The following LYL1 variants were observed in gnomAD, a reference collection of about 807,000 sequenced individuals.
LYL1 encodes protein lyl-1.
LYL1 carries 4 observed loss-of-function variants against 11.1 expected under a neutral mutation model. That is an observed-to-expected ratio of 0.36 (90% CI 0.18 to 0.82). The LOEUF (loss-of-function observed/expected upper bound fraction) is 0.82. Among genes scored for constraint, LYL1 ranks in the 40% least tolerant of loss-of-function variants. LYL1 has a pLI of 0.49. For missense variants in LYL1, 356 were observed against 397.6 expected, an observed-to-expected ratio of 0.90 and a Z score of 0.89; for synonymous variants, 179 against 174.8, an observed-to-expected ratio of 1.02 and a Z score of -0.19.
intron 3 of LYL1, among the ~76,000 whole-genome samples, chr19:13,100,269 T>G (rs1294477730): frequency 2.6e-5 from 4 of 152,346 alleles, no homozygotes; most frequent in East Asian, 1.9e-4. Flanking sequence ...GCTGTGGTCC[T>G]GTGGCTGTCT....
chr19:13,102,152 A>AAT lies in LYL1; in HGVS notation c.-25+378_-25+379insAT. On this transcript the variant is annotated intron_variant, in intron 1 of 3. Coordinates refer to ENST00000264824, the MANE Select transcript of LYL1 (RefSeq NM_005583.5). This position sits in a 1 kb window ranked among gnomAD's most constrained non-coding sequence, Gnocchi z 4.9. The stretch of plus-strand genomic sequence containing the variant: ...ATGCCCGGCTAATTTAAAAAAAAAA[A>AAT]TTTTTTTTGTAGAGGCAGGTTCTCA... The AAT allele has an allele frequency of 5.0e-6, 1 of 200,246 alleles. No homozygotes were observed. The highest frequency in any genetic ancestry group is 1.0e-5 in the Non-Finnish European group (1 of 97,346). The allele number at this position is 200,246 out of a possible 1,614,324, so 12.4% of individuals were successfully genotyped here.
rs189103076 is a variant in LYL1, at chr19:13,099,078, G to A, written c.*241C>T. ...GTTGCTTTGCCGACCTCGCCCCTGG[G>A]AAGGGGACCGGGCAAGGCCACTTCC... On this transcript the variant is annotated 3_prime_UTR_variant, in exon 4 of 4. Coordinates refer to ENST00000264824, the MANE Select transcript of LYL1 (RefSeq NM_005583.5). The surrounding 1 kb of genome is among the most constrained non-coding windows in gnomAD (Gnocchi z 5.3). 24 of 373,284 alleles carry A rather than the reference G, an allele frequency of 6.4e-5. No individual in the cohort carries two copies. The highest frequency in any genetic ancestry group is 5.0e-4 in the African/African-American group (24 of 48,116). 23.1% of individuals were successfully genotyped at this position (373,284 alleles called of 1,614,324 possible).
intron 3 of LYL1, 136 bp downstream of exon 3, chr19:13,100,521 T>G: frequency 1.2e-6 from 1 of 843,974 alleles, no homozygotes. Context: ...GTTCTCTGTG[T>G]GTGCTGGAAG....
At position 13,100,671 on chromosome 19, in the gene LYL1, A is replaced by G. The variant is rs769011957; in HGVS notation, c.413T>C (p.Leu138Pro). The change falls in exon 3 of 4, where the codon CTG becomes CCG. Residue 138 changes from leucine (L) to proline (P), a missense_variant. Physicochemically the swap from Leu to Pro is moderately conservative, Grantham distance 98. Transcript: ENST00000264824. The stretch of plus-strand genomic sequence containing the variant: ...CCCACACTCACCCTCAGCCAGGTCC[A>G]GCTCACAGTGGCTTGGTCTCCGCTT... The part of the protein sequence containing the change: ...RLKRRPSHCE[L>P]DLAEGHQPQK... 2 of 1,614,226 alleles carry G rather than the reference A, an allele frequency of 1.2e-6. No homozygotes were observed. Among genetic ancestry groups the G allele is most frequent in the African/African-American group, 2.7e-5 (2 of 75,066 alleles).
Position 13,099,806 on chromosome 19 carries a change from C to A in LYL1, c.428-72G>T. ...CCCTCCTGCCCTCCCGCTAGACACG[C>A]AGCACCCTCGTGGGAACTTAAACCC... On this transcript the variant is annotated intron_variant, in intron 3 of 3. Coordinates refer to ENST00000264824, the MANE Select transcript of LYL1 (RefSeq NM_005583.5). The surrounding 1 kb of genome is among the most constrained non-coding windows in gnomAD (Gnocchi z 5.3). The A allele has an allele frequency of 1.5e-6, 2 of 1,301,038 alleles. No individual in the cohort carries two copies. The highest frequency in any genetic ancestry group is 3.0e-5 in the East Asian group (1 of 33,310). 80.6% of individuals were successfully genotyped at this position (1,301,038 alleles called of 1,614,324 possible).
chr19:13,100,666 G>A lies in LYL1; in HGVS notation c.418C>T (p.Leu140=). Residue 140 remains leucine, a synonymous_variant, in exon 3 of 4, where the codon CTG becomes TTG. Coordinates refer to ENST00000264824, the MANE Select transcript of LYL1 (RefSeq NM_005583.5). ...ACAAACCCACACTCACCCTCAGCCAGGTCCAGCTCACAGTGGCTTGGTCTC... is the reference window on the plus strand; with the variant it reads ...ACAAACCCACACTCACCCTCAGCCAAGTCCAGCTCACAGTGGCTTGGTCTC... ...KRRPSHCELD[L]AEGHQPQKVA... 1 of 1,614,206 alleles carries A rather than the reference G, an allele frequency of 6.2e-7. No individual in the cohort carries two copies. Among genetic ancestry groups the A allele is most frequent in the Admixed American group, 1.7e-5 (1 of 60,028 alleles).
In LYL1 at chr19:13,099,912, A is replaced by G. The variant is rs1599907500; in HGVS notation, c.428-178T>C. On this transcript the variant is annotated intron_variant, in intron 3 of 3. Transcript: ENST00000264824. This position sits in a 1 kb window ranked among gnomAD's most constrained non-coding sequence, Gnocchi z 5.3. ...CCCTCCCAAGAGCCATCCAGACAAG[A>G]ATCATCACAGGCCCGGCCTACGGAC... Among the ~76,000 whole-genome samples, 2 of 152,346 alleles carry G rather than the reference A, an allele frequency of 1.3e-5. No homozygotes were observed. The highest frequency in any genetic ancestry group is 4.1e-4 in the South Asian group (2 of 4,824).
At position 13,099,316 on chromosome 19, in the gene LYL1, C is replaced by A. The variant is rs1286472001; in HGVS notation, c.*3G>T. On this transcript the variant is annotated 3_prime_UTR_variant, in exon 4 of 4. Coordinates refer to ENST00000264824, the MANE Select transcript of LYL1 (RefSeq NM_005583.5). The surrounding 1 kb of genome is among the most constrained non-coding windows in gnomAD (Gnocchi z 5.3). ...TCCGGCTCAGAGGTGCTGCCGCGTG[C>A]GGTCACCGCACCTCTGGGCTCAAAG... 1 of 1,272,198 alleles carries A rather than the reference C, an allele frequency of 7.9e-7. No individual in the cohort carries two copies. Among genetic ancestry groups the A allele is most frequent in the Non-Finnish European group, 9.9e-7 (1 of 1,008,058 alleles). 78.8% of individuals were successfully genotyped at this position (1,272,198 alleles called of 1,614,324 possible). A position where few individuals can be genotyped will look rare whatever the true frequency, so the allele number is the denominator to read the frequency against.
chr19:13,101,085 G>A lies in LYL1; in HGVS notation c.87C>T (p.Ala29=). ...CAGGCGAGGCAGGCTTAGGGGGTGG[G>A]GCAGGCGCTGGGCTGGGGGCACACA... is the stretch of plus-strand genomic sequence containing the variant. ...EMVCAPSPAP[A]PPPKPASPGP... is the part of the protein sequence containing the mutation. The change falls in exon 2 of 4, where the codon GCC becomes GCT. Residue 29 remains alanine, a synonymous_variant. Coordinates refer to ENST00000264824, the MANE Select transcript of LYL1 (RefSeq NM_005583.5). The surrounding 1 kb of genome is among the most constrained non-coding windows in gnomAD (Gnocchi z 5.1). The A allele has an allele frequency of 2.0e-6, 3 of 1,488,194 alleles. No homozygotes were observed. Among genetic ancestry groups the A allele is most frequent in the Non-Finnish European group, 2.7e-6 (3 of 1,120,266 alleles). 92.2% of individuals were successfully genotyped at this position (1,488,194 alleles called of 1,614,324 possible).
chr19:13,099,774 G>T lies in LYL1; in HGVS notation c.428-40C>A. On this transcript the variant is annotated intron_variant, in intron 3 of 3. Coordinates refer to ENST00000264824, the MANE Select transcript of LYL1 (RefSeq NM_005583.5). This position sits in a 1 kb window ranked among gnomAD's most constrained non-coding sequence, Gnocchi z 5.3. ...GGCCGGGTTGGTGCCATGGCCCAAAGGGCGGCCCCTCCTGCCCTCCCGCTA... is the reference window on the plus strand; with the variant it reads ...GGCCGGGTTGGTGCCATGGCCCAAATGGCGGCCCCTCCTGCCCTCCCGCTA... 1 of 1,384,032 alleles carries T rather than the reference G, an allele frequency of 7.2e-7. No homozygotes were observed. 85.7% of individuals were successfully genotyped at this position (1,384,032 alleles called of 1,614,324 possible). A position where few individuals can be genotyped will look rare whatever the true frequency, so the allele number is the denominator to read the frequency against.
chr19:13,100,905 T>C lies in LYL1; in HGVS notation c.267A>G (p.Gln89=). The C allele has an allele frequency of 6.4e-7, 1 of 1,555,488 alleles. No individual in the cohort carries two copies. The highest frequency in any genetic ancestry group is 8.7e-7 in the Non-Finnish European group (1 of 1,149,584). Residue 89 remains glutamine, a synonymous_variant, in exon 2 of 4, where the codon CAA becomes CAG. Transcript: ENST00000264824. ...GCGGGGCAGTTCCCAGGGTGGAGAGTTGCAGCAGCGGGGGCCGCAGAGTGC... is the reference window on the plus strand; with the variant it reads ...GCGGGGCAGTTCCCAGGGTGGAGAGCTGCAGCAGCGGGGGCCGCAGAGTGC... ...ELGTLRPPLL[Q]LSTLGTAPPT...
In LYL1 at chr19:13,100,623, TACAAACCCACAAGGCAC is replaced by T. The variant is rs1238108235; in HGVS notation, c.427+17_427+33del. The T allele has an allele frequency of 5.6e-6, 9 of 1,604,304 alleles. No homozygotes were observed. Among genetic ancestry groups the T allele is most frequent in the African/African-American group, 1.3e-5 (1 of 74,792 alleles). ...GCACCCACAAGTGCACATACAGGCATACAAACCCACAAGGCACACAAACCCACACTCACCCTCAGCCA... is the reference window on the plus strand; with the variant it reads ...GCACCCACAAGTGCACATACAGGCATACAAACCCACACTCACCCTCAGCCA... On this transcript the variant is annotated intron_variant, in intron 3 of 3. Coordinates refer to ENST00000264824, the MANE Select transcript of LYL1 (RefSeq NM_005583.5).
In LYL1 at chr19:13,102,766, G is replaced by GC. The variant is rs1474755947; in HGVS notation, c.-261dup. The GC allele has an allele frequency of 6.5e-6, 1 of 153,110 alleles. No individual in the cohort carries two copies. The highest frequency in any genetic ancestry group is 1.5e-5 in the Non-Finnish European group (1 of 68,578). 9.5% of individuals were successfully genotyped at this position (153,110 alleles called of 1,614,324 possible). A position where few individuals can be genotyped will look rare whatever the true frequency, so the allele number is the denominator to read the frequency against. On this transcript the variant is annotated 5_prime_UTR_variant, in exon 1 of 4. Transcript: ENST00000264824. The surrounding 1 kb of genome is among the most constrained non-coding windows in gnomAD (Gnocchi z 4.9). ...GGGAAAGTGAGCGGCTCCCGGGCCG[G>GC]CCCGCCTTCTCCCCGCCCCCGGCGG...
chr19:13,100,176 G>A (rs1339566468), intron 3 of LYL1, among the ~76,000 whole-genome samples: 1 of 152,186 alleles, frequency 6.6e-6, no homozygotes, highest in East Asian at 1.9e-4. Context: ...CATGGCTGTG[G>A]TTATGTGTGA....
chr19:13,099,718 C>A lies in LYL1; in HGVS notation c.444G>T (p.Lys148Asn). 6.6e-7 allele frequency: 1 copy of A among 1,520,094 alleles called. No homozygotes were observed. The allele number at this position is 1,520,094 out of a possible 1,614,324, so 94.2% of individuals were successfully genotyped here. Residue 148 changes from lysine (K) to asparagine (N), a missense_variant, in exon 4 of 4, where the codon AAG (lysine) becomes AAT (asparagine). By Grantham distance (94) the Lys-to-Asn change is moderately conservative. Coordinates refer to ENST00000264824, the MANE Select transcript of LYL1 (RefSeq NM_005583.5). This position sits in a 1 kb window ranked among gnomAD's most constrained non-coding sequence, Gnocchi z 5.3. ...LDLAEGHQPQKVARRVFTNSR... is the reference protein window; with the variant it reads ...LDLAEGHQPQNVARRVFTNSR... ...TGTTGGTGAACACGCGCCGGGCCAC[C>A]TTCTGGGGCTGGTGCCCTGTGGACA...
In LYL1 at chr19:13,099,414, G is replaced by T; in HGVS notation, c.748C>A (p.Gln250Lys). Reference sequence around the variant, plus strand: ...TCGGGGTCGGCCGGGGGCGCGGGCTGCGAGCGCGCTGCCGCCTCGGCCCTG... The same window carrying T: ...TCGGGGTCGGCCGGGGGCGCGGGCTTCGAGCGCGCTGCCGCCTCGGCCCTG... ...GRRAEAAARS[Q>K]PAPPADPDGS... The change falls in exon 4 of 4, where the codon CAG becomes AAG. Residue 250 changes from glutamine to lysine, a missense_variant. Coordinates refer to ENST00000264824, the MANE Select transcript of LYL1 (RefSeq NM_005583.5). The surrounding 1 kb of genome is among the most constrained non-coding windows in gnomAD (Gnocchi z 5.3). The T allele has an allele frequency of 8.0e-7, 1 of 1,243,152 alleles. No homozygotes were observed. Among genetic ancestry groups the T allele is most frequent in the South Asian group, 4.1e-5 (1 of 24,684 alleles). The allele number at this position is 1,243,152 out of a possible 1,614,324, so 77.0% of individuals were successfully genotyped here.
Position 13,101,301 on chromosome 19 carries a change from A to C in LYL1, c.-24-106T>G. 2.4e-6 allele frequency: 1 copy of C among 424,010 alleles called. No individual in the cohort carries two copies. The highest frequency in any genetic ancestry group is 3.7e-5 in the East Asian group (1 of 27,196). 26.3% of individuals were successfully genotyped at this position (424,010 alleles called of 1,614,324 possible). On this transcript the variant is annotated intron_variant, in intron 1 of 3. Coordinates refer to ENST00000264824, the MANE Select transcript of LYL1 (RefSeq NM_005583.5). This position sits in a 1 kb window ranked among gnomAD's most constrained non-coding sequence, Gnocchi z 5.1. ...GGGAAGGAGGGAGGGGGAGGGGGAAAGGAGGAGGAGAGAAGTTTCAGTAGG... is the reference window on the plus strand; with the variant it reads ...GGGAAGGAGGGAGGGGGAGGGGGAACGGAGGAGGAGAGAAGTTTCAGTAGG...
chr19:13,099,657 C>T lies in LYL1; in HGVS notation c.505G>A (p.Ala169Thr), dbSNP rs2018648558. 1 of 1,552,692 alleles carries T rather than the reference C, an allele frequency of 6.4e-7. No homozygotes were observed. The highest frequency in any genetic ancestry group is 2.4e-5 in the East Asian group (1 of 41,294). The change falls in exon 4 of 4, where the codon GCC becomes ACC. Residue 169 changes from alanine to threonine, a missense_variant. Physicochemically the swap from Ala to Thr is moderately conservative, Grantham distance 58 (BLOSUM62 0). Coordinates refer to ENST00000264824, the MANE Select transcript of LYL1 (RefSeq NM_005583.5). The surrounding 1 kb of genome is among the most constrained non-coding windows in gnomAD (Gnocchi z 5.3). The part of the protein sequence containing the change: ...ERWRQQNVNG[A>T]FAELRKLLPT... ...AGCAGCTTCCTCAGCTCGGCGAAGGCGCCGTTAACGTTCTGCTGCCGCCAG... is the reference window on the plus strand; with the variant it reads ...AGCAGCTTCCTCAGCTCGGCGAAGGTGCCGTTAACGTTCTGCTGCCGCCAG...
chr19:13,102,141 TAAA>T lies in LYL1; in HGVS notation c.-25+387_-25+389del. The T allele has an allele frequency of 5.1e-6, 1 of 194,998 alleles. No individual in the cohort carries two copies. The highest frequency in any genetic ancestry group is 2.3e-5 in the African/African-American group (1 of 42,916). 12.1% of individuals were successfully genotyped at this position (194,998 alleles called of 1,614,324 possible). A position where few individuals can be genotyped will look rare whatever the true frequency, so the allele number is the denominator to read the frequency against. ...CATGTGCCACCATGCCCGGCTAATT[TAAA>T]AAAAAAAATTTTTTTTGTAGAGGCA... On this transcript the variant is annotated intron_variant, in intron 1 of 3. Coordinates refer to ENST00000264824, the MANE Select transcript of LYL1 (RefSeq NM_005583.5). The surrounding 1 kb of genome is among the most constrained non-coding windows in gnomAD (Gnocchi z 4.9).
Sources: allele counts gnomAD v4.1 joint callset (sites outside exome capture counted in the v4.1 genomes callset), GRCh38; gene constraint gnomAD v4.1.1; non-coding constraint Gnocchi (gnomAD v3.1); transcripts MANE v1.5; gene names NCBI Gene and HGNC (gene_info 2026-07-23, HGNC 2026-07-21).